Variants in PRRC2C observed in about 807,000 individuals in gnomAD.
PRRC2C encodes proline rich coiled-coil 2C, also known as protein PRRC2C.
Under a neutral mutation model 317.2 loss-of-function variants are expected in PRRC2C, and 72 were observed. That is an observed-to-expected ratio of 0.23 (90% confidence interval 0.19 to 0.28). The LOEUF (loss-of-function observed/expected upper bound fraction) is 0.28. PRRC2C is among the 10% of genes least tolerant of loss of function. PRRC2C has a pLI of 1.00. For missense variants in PRRC2C, 3,074 were observed against 3,459.7 expected, an observed-to-expected ratio of 0.89 and a Z score of 2.80; for synonymous variants, 1,296 against 1,205.9, an observed-to-expected ratio of 1.07 and a Z score of -1.55.
intron 1 of PRRC2C, among the ~76,000 whole-genome samples, chr1:171,486,335 G>A (rs944265587): frequency 1.3e-5 from 2 of 151,902 alleles, no homozygotes; most frequent in Admixed American, 6.6e-5. Context: ...TCCGGAGGAG[G>A]ATTTGGGTAG....
chr1:171,536,231 G>A lies in PRRC2C; in HGVS notation c.2246G>A (p.Arg749Gln), dbSNP rs534767426. 3.6e-5 allele frequency: 58 copies of A among 1,613,712 alleles called. No individual in the cohort carries two copies. Among genetic ancestry groups the A allele is most frequent in the Non-Finnish European group, 3.6e-5 (43 of 1,179,768 alleles). ...ATGATGCAGTCCTACATGGATCCTC[G>A]AATGATGTCAGGAAGACCTGCTATG... ...WLMMQSYMDP[R>Q]MMSGRPAMDI... The change falls in exon 14 of 35, where the codon CGA (arginine) becomes CAA (glutamine). Residue 749 changes from arginine (R) to glutamine (Q), a missense_variant. Arg to Gln is a conservative substitution (Grantham distance 43). Around this residue, in one of 11 missense-constraint regions of PRRC2C, gnomAD observed 1,320 missense variants for 1,395.7 expected, o/e 0.95. Transcript: ENST00000647382.
intron 20 of PRRC2C, among the ~76,000 whole-genome samples, chr1:171,561,493 TGGAG>T (rs2102678813): frequency 6.6e-6 from 1 of 152,242 alleles, no homozygotes; most frequent in African/African-American, 2.4e-5. Context: ...AGAATTAACT[TGGAG>T]GGCAATTAAA....
chr1:171,503,657 G>T (rs1669604383), intron 1 of PRRC2C, among the ~76,000 whole-genome samples: 2 of 152,114 alleles, frequency 1.3e-5, no homozygotes, highest in South Asian at 4.1e-4. Flanking sequence ...ATGTGTGGAG[G>T]TATTTTATTT....
chr1:171,545,404 G>GACGT (rs958847292), intron 16 of PRRC2C, 75 bp from the exon 17 acceptor site: 22 of 1,265,260 alleles, frequency 1.7e-5, no homozygotes, highest in Non-Finnish European at 3.3e-6. Context: ...ATGAACTTTA[G>GACGT]AAACTGCCAA....
At chr1:171,585,868 T>G (rs1186576596) in intron 30 of PRRC2C, among the ~76,000 whole-genome samples, 5 of 152,134 alleles carry the variant, frequency 3.3e-5, no homozygotes, top group African/African-American at 1.2e-4. Flanking sequence ...GATTGGTTTT[T>G]TTTTGTGTGT....
At position 171,592,594 on chromosome 1, in the gene PRRC2C, A is replaced by G. The variant is rs965431237; in HGVS notation, c.*747A>G. 1.3e-5 allele frequency: 2 copies of G among 152,224 alleles called. No individual in the cohort carries two copies. Among genetic ancestry groups the G allele is most frequent in the African/African-American group, 2.4e-5 (1 of 41,454 alleles). 9.4% of individuals were successfully genotyped at this position (152,224 alleles called of 1,614,324 possible). A position where few individuals can be genotyped will look rare whatever the true frequency, so the allele number is the denominator to read the frequency against. On this transcript the variant is annotated 3_prime_UTR_variant, in exon 35 of 35. Transcript: ENST00000647382. ...CGCTACTTAGCATCTCCTTTCTTCC[A>G]TGGAGCTCTCACGATTCAAACATGA... is the stretch of plus-strand genomic sequence containing the variant.
At chr1:171,552,312 T>G (rs1201765627) in intron 18 of PRRC2C, among the ~76,000 whole-genome samples, 1 of 152,234 alleles carries the variant, frequency 6.6e-6, no homozygotes, top group Non-Finnish European at 1.5e-5. Flanking sequence ...ACATTGATTT[T>G]ATATTCTGAG....
At chr1:171,493,794 ACT>A (rs1000306681) in intron 1 of PRRC2C, among the ~76,000 whole-genome samples, 14 of 151,904 alleles carry the variant, frequency 9.2e-5, no homozygotes, top group Admixed American at 3.9e-4. Context: ...ACAGAGCAAG[ACT>A]CTGTCTCAAA....
chr1:171,532,199 C>T (rs1328095772), intron 11 of PRRC2C, 144 bp from the exon 12 acceptor site: 4 of 831,290 alleles, frequency 4.8e-6, no homozygotes, highest in Non-Finnish European at 7.2e-6. Flanking sequence ...ATATATTTCC[C>T]ATCTTATGTG....
intron 1 of PRRC2C, among the ~76,000 whole-genome samples, chr1:171,487,333 A>G (rs1666319401): frequency 6.6e-6 from 1 of 152,244 alleles, no homozygotes; most frequent in Non-Finnish European, 1.5e-5. Flanking sequence ...GTCTGAACCC[A>G]AAGGGGATGC....
intron 10 of PRRC2C, among the ~76,000 whole-genome samples, chr1:171,526,074 A>G (rs1192985294): frequency 1.3e-5 from 2 of 152,204 alleles, no homozygotes; most frequent in Non-Finnish European, 2.9e-5. Context: ...AGAATTTTTC[A>G]TGAAAGAATA....
In PRRC2C at chr1:171,520,868, G is replaced by A. The variant is rs973592826; in HGVS notation, c.751-1309G>A. ...TTGCCAGGCTGGAGTGCAGTGGTGCGATCTCAGCTCACTGCAACCTCCACC... is the reference window on the plus strand; with the variant it reads ...TTGCCAGGCTGGAGTGCAGTGGTGCAATCTCAGCTCACTGCAACCTCCACC... On this transcript the variant is annotated intron_variant, in intron 6 of 34. Coordinates refer to ENST00000647382, the MANE Select transcript of PRRC2C (RefSeq NM_001387844.1). 6.2e-5 allele frequency among the ~76,000 whole-genome samples: 9 copies of A among 146,166 alleles called. No individual in the cohort carries two copies. The East Asian group carries it at 1.6e-3, about 26-fold the overall frequency.
chr1:171,564,904 G>A (rs762600045), intron 20 of PRRC2C, among the ~76,000 whole-genome samples: 42 of 152,220 alleles, frequency 2.8e-4, no homozygotes, highest in Admixed American at 8.5e-4. Context: ...AATTGCATGC[G>A]TTGTTCATAC....
At chr1:171,499,841 A>G (rs2102122081) in intron 1 of PRRC2C, among the ~76,000 whole-genome samples, 1 of 152,356 alleles carries the variant, frequency 6.6e-6, no homozygotes, top group South Asian at 2.1e-4. Context: ...AAGAAGAGAC[A>G]GAAAAAAAGT....
At chr1:171,573,673 C>CTTTTTTTTTTTTTT (rs1024285954) in intron 24 of PRRC2C, among the ~76,000 whole-genome samples, 1 of 85,814 alleles carries the variant, frequency 1.2e-5, no homozygotes, top group Non-Finnish European at 2.1e-5. Flanking sequence ...TCTCAAAATT[C>CTTTTTTTTTTTTTT]TTTTTTTTTT....
rs1415358959 is a variant in PRRC2C at position 171,584,484 on chromosome 1, A to C, written c.7707A>C (p.Thr2569=). The change falls in exon 30 of 35, where the codon ACA becomes ACC. Residue 2569 remains threonine (T), a synonymous_variant. Transcript: ENST00000647382. ...GACAAGTACAACAGCCTGGTCAGAC[A>C]AATTTTTATAACACTGCCCAGTCAC... The part of the protein sequence containing the change: ...YSGQVQQPGQ[T]NFYNTAQSPS... The C allele has an allele frequency of 6.3e-7, 1 of 1,594,828 alleles. No individual in the cohort carries two copies.
intron 1 of PRRC2C, among the ~76,000 whole-genome samples, chr1:171,493,679 T>C (rs948417081): frequency 1.3e-5 from 2 of 151,994 alleles, no homozygotes; most frequent in African/African-American, 4.8e-5. Flanking sequence ...AATTAGTCAG[T>C]TGTGGTGGCA....
In PRRC2C at chr1:171,541,900, C is replaced by G. The variant is rs1687064; in HGVS notation, c.4434C>G (p.Ser1478=). The change falls in exon 16 of 35, where the codon TCC becomes TCG. Residue 1478 remains serine, a synonymous_variant. Coordinates refer to ENST00000647382, the MANE Select transcript of PRRC2C (RefSeq NM_001387844.1). The surrounding 1 kb of genome is among the most constrained non-coding windows in gnomAD (Gnocchi z 4.1). The stretch of plus-strand genomic sequence containing the variant: ...CAGTTAATACTCTTGGGGATATTTC[C>G]GGGAATAAGACACCAGATTTATCTA... ...QEPVNTLGDI[S]GNKTPDLSNQ... The G allele has an allele frequency of 0.82, 1,325,452 of 1,613,612 alleles. 545,354 individuals are homozygous for G. Among genetic ancestry groups the G allele is most frequent in the East Asian group, 0.89 (40,132 of 44,876 alleles).
chr1:171,514,512 A>G, intron 3 of PRRC2C, 24 bp from the exon 4 acceptor site: 2 of 1,499,362 alleles, frequency 1.3e-6, no homozygotes, highest in Non-Finnish European at 9.1e-7. Flanking sequence ...TATCTGAAAT[A>G]ATGGATTCAT....
Sources: allele counts gnomAD v4.1 joint callset (sites outside exome capture counted in the v4.1 genomes callset), GRCh38; gene constraint gnomAD v4.1.1; regional missense constraint gnomAD v4.1.1; non-coding constraint Gnocchi (gnomAD v3.1); transcripts MANE v1.5; gene names NCBI Gene and HGNC (gene_info 2026-07-23, HGNC 2026-07-21).